Variants in DCDC1 observed in about 807,000 individuals in gnomAD.
The protein encoded by DCDC1 is doublecortin domain containing 1.
A neutral mutation model predicts 178.3 loss-of-function variants in DCDC1; 200 were observed. The ratio of observed to expected loss-of-function variants is 1.12; its 90% CI spans 1.00 to 1.26. The LOEUF (loss-of-function observed/expected upper bound fraction) is 1.26. Among genes scored for constraint, DCDC1 ranks in the 50% most tolerant of loss-of-function variants. The pLI is 0.00. For synonymous variants in DCDC1, 690 were observed against 604.8 expected, an observed-to-expected ratio of 1.14 and a Z score of -2.07; for missense variants, 1,983 against 1,749.2, an observed-to-expected ratio of 1.13 and a Z score of -2.38.
chr11:31,270,548 C>T (rs944071043), intron 7 of DCDC1, among the ~76,000 whole-genome samples: 4 of 152,162 alleles, frequency 2.6e-5, no homozygotes, highest in Admixed American at 6.6e-5. Context: ...GAAAACATCT[C>T]CCCTGATCAA....
chr11:31,136,301 A>T (rs1379446420), intron 10 of DCDC1, among the ~76,000 whole-genome samples: 2 of 152,136 alleles, frequency 1.3e-5, no homozygotes, highest in African/African-American at 4.8e-5. Context: ...ATGAGTCAGA[A>T]CTATAATTTA....
At chr11:31,055,638 T>G (rs1281095564) in intron 20 of DCDC1, among the ~76,000 whole-genome samples, 1 of 152,170 alleles carries the variant, frequency 6.6e-6, no homozygotes, top group Non-Finnish European at 1.5e-5. Context: ...AAAGAAACTT[T>G]GGTTTATTTA....
chr11:31,142,599 T>C (rs1963962523), intron 9 of DCDC1, among the ~76,000 whole-genome samples: 1 of 152,184 alleles, frequency 6.6e-6, no homozygotes, highest in Admixed American at 6.5e-5. Context: ...CTTTAAAGAA[T>C]GACTTTATGT....
chr11:31,264,494 G>A (rs1945009123), intron 8 of DCDC1, among the ~76,000 whole-genome samples: 1 of 152,126 alleles, frequency 6.6e-6, no homozygotes, highest in Non-Finnish European at 1.5e-5. Flanking sequence ...CGCTGCTACT[G>A]GAGCCAGCCT....
At chr11:31,354,486 T>C (rs1313762592) in intron 1 of DCDC1, among the ~76,000 whole-genome samples, 1 of 152,200 alleles carries the variant, frequency 6.6e-6, no homozygotes, top group Non-Finnish European at 1.5e-5. Flanking sequence ...GGAAAAGCGA[T>C]ATCCATTTTT....
intron 7 of DCDC1, among the ~76,000 whole-genome samples, chr11:31,278,678 CA>C (rs1364667455): frequency 6.6e-6 from 1 of 151,756 alleles, no homozygotes; most frequent in Non-Finnish European, 1.5e-5. Context: ...ATTTTTATGA[CA>C]AAAAAATGAT....
chr11:31,204,073 T>C (rs972561088), intron 9 of DCDC1, among the ~76,000 whole-genome samples: 24 of 152,324 alleles, frequency 1.6e-4, no homozygotes, highest in African/African-American at 5.8e-4. Flanking sequence ...TCTGTGGTGC[T>C]TATTGCTCCT....
intron 8 of DCDC1, among the ~76,000 whole-genome samples, chr11:31,257,726 A>C (rs914825464): frequency 6.6e-6 from 1 of 151,802 alleles, no homozygotes; most frequent in Non-Finnish European, 1.5e-5. Flanking sequence ...ACACATACAC[A>C]CACACACATA....
chr11:31,072,655 T>C (rs1340499567), intron 18 of DCDC1, among the ~76,000 whole-genome samples: 1 of 152,154 alleles, frequency 6.6e-6, no homozygotes, highest in Non-Finnish European at 1.5e-5. Flanking sequence ...GATATAATTT[T>C]ACTAACTTTT....
At chr11:30,986,692 G>T (rs772779194) in intron 20 of DCDC1, among the ~76,000 whole-genome samples, 2 of 152,096 alleles carry the variant, frequency 1.3e-5, no homozygotes, top group Non-Finnish European at 2.9e-5. Flanking sequence ...GGGGTGTTAA[G>T]TATTTTGGCT....
intron 21 of DCDC1, among the ~76,000 whole-genome samples, chr11:30,952,080 T>A (rs1948459252): frequency 6.6e-6 from 1 of 152,158 alleles, no homozygotes; most frequent in Non-Finnish European, 1.5e-5. Context: ...AAAGTTGGAA[T>A]GTTTCTATTA....
At chr11:31,218,825 C>T (rs1419793829) in intron 9 of DCDC1, among the ~76,000 whole-genome samples, 1 of 152,010 alleles carries the variant, frequency 6.6e-6, no homozygotes, top group Non-Finnish European at 1.5e-5. Flanking sequence ...TAGTTGTGTA[C>T]CAAAACTGGA....
intron 7 of DCDC1, among the ~76,000 whole-genome samples, chr11:31,280,505 T>C (rs1245520123): frequency 2.0e-5 from 3 of 152,234 alleles, no homozygotes; most frequent in Non-Finnish European, 2.9e-5. Flanking sequence ...CATATTCATT[T>C]AACCAGAAGC....
intron 12 of DCDC1, among the ~76,000 whole-genome samples, chr11:31,107,346 T>C (rs571999278): frequency 3.2e-4 from 48 of 152,268 alleles, no homozygotes; most frequent in Non-Finnish European, 5.4e-4. Flanking sequence ...CAGACCACGT[T>C]CAAGTTTCAC....
At chr11:31,321,397 G>C (rs1484955518) in intron 3 of DCDC1, among the ~76,000 whole-genome samples, 1 of 145,248 alleles carries the variant, frequency 6.9e-6, no homozygotes, top group Non-Finnish European at 1.5e-5. Flanking sequence ...CGCAATATTC[G>C]GGTGGGAGTG....
chr11:30,908,262 A>G lies in DCDC1; in HGVS notation c.3918+684T>C, dbSNP rs1031754333. On this transcript the variant is annotated intron_variant, in intron 29 of 38. Coordinates refer to ENST00000684477, the MANE Select transcript of DCDC1 (RefSeq NM_001387274.1). The stretch of plus-strand genomic sequence containing the variant: ...AAATCTAATTACAACTATAGGACTC[A>G]ATTTCATTTAGAGAAATTATGGGGG... Among the ~76,000 whole-genome samples the G allele has an allele frequency of 7.9e-5, 12 of 152,182 alleles. 1 individual carries two copies. The highest frequency in any genetic ancestry group is 5.2e-4 in the Admixed American group (8 of 15,278).
chr11:31,166,647 A>G (rs556356944), intron 9 of DCDC1, among the ~76,000 whole-genome samples: 20 of 152,284 alleles, frequency 1.3e-4, no homozygotes, highest in Admixed American at 9.8e-4. Flanking sequence ...AAAAAAGAAT[A>G]AAAGAAAAAG....
chr11:31,114,166 A>G (rs1203753795), intron 11 of DCDC1, among the ~76,000 whole-genome samples: 1 of 152,146 alleles, frequency 6.6e-6, no homozygotes, highest in Non-Finnish European at 1.5e-5. Context: ...ACCCAACTCA[A>G]TGTATCCCTA....
At chr11:31,335,352 A>G (rs7115896) in intron 2 of DCDC1, 95 bp downstream of exon 2, 43,351 of 151,984 alleles carry the variant, frequency 0.29, 6,272 homozygotes, top group African/African-American at 0.32. Flanking sequence ...GACCCCTTGC[A>G]CTTCCGGGGT....
Sources: gnomAD v4.1 joint callset for allele counts (sites outside exome capture counted in the v4.1 genomes callset) on GRCh38, gnomAD v4.1.1 for gene constraint, MANE v1.5 for transcripts, NCBI Gene and HGNC (gene_info 2026-07-23, HGNC 2026-07-21) for gene names.